KEAP1: variants seen among roughly 807,000 people sequenced by gnomAD.
The protein encoded by KEAP1 is kelch-like ECH-associated protein 1.
KEAP1 carries 26 observed loss-of-function variants against 59.7 expected under a neutral mutation model. The observed-to-expected ratio is 0.44, with a 90% CI of 0.32 to 0.60. The LOEUF is 0.60. Ranked by LOEUF, KEAP1 falls within the 20% of genes least tolerant of loss-of-function variation. KEAP1 has a pLI of 0.06. For missense variants in KEAP1, 539 were observed against 871.4 expected (o/e 0.62, Z 4.80); for synonymous variants, 350 against 358.3 (o/e 0.98, Z 0.26).
At chr19:10,494,657 C>CTTT (rs111799495) in intron 2 of KEAP1, among the ~76,000 whole-genome samples, 1 of 110,976 alleles carries the variant, frequency 9.0e-6, no homozygotes, top group Non-Finnish European at 1.8e-5. Context: ...CTGTTTGTTT[C>CTTT]TTTTTTTTTT....
In KEAP1 at chr19:10,492,273, CG is replaced by C. The variant is rs78238324; in HGVS notation, c.640-12del. 6,448 of 1,600,694 alleles carry C rather than the reference CG, an allele frequency of 4.0e-3. 139 individuals carry two copies. In the East Asian group the frequency reaches 0.056, roughly 14 times the overall value. On this transcript the variant is annotated splice_polypyrimidine_tract_variant and intron_variant, in intron 2 of 5. Coordinates refer to ENST00000171111, the MANE Select transcript of KEAP1 (RefSeq NM_203500.2). The stretch of plus-strand genomic sequence containing the variant: ...CTCTTGCTTGGCCACCTGCAGAGGG[CG>C]ACAGTGGGACGGGCTGACTCTCCAG...
rs1461860755 is a variant in KEAP1 at position 10,486,808 on chromosome 19, A to G, written c.1719T>C (p.Asp573=). ...QGRIYVLGGY[D]GHTFLDSVEC... ...CCACACTGTCCAGGAACGTGTGACCATCATAGCCTCCTGCGGGAAGAACAG... is the reference window on the plus strand; with the variant it reads ...CCACACTGTCCAGGAACGTGTGACCGTCATAGCCTCCTGCGGGAAGAACAG... Residue 573 remains aspartate, a synonymous_variant, in exon 6 of 6, where the codon GAT becomes GAC. Transcript: ENST00000171111. 6.2e-7 allele frequency: 1 copy of G among 1,613,012 alleles called. No individual in the cohort carries two copies. The highest frequency in any genetic ancestry group is 8.5e-7 in the Non-Finnish European group (1 of 1,179,476).
chr19:10,489,256 G>T lies in KEAP1; in HGVS notation c.1644C>A (p.Ala548=), dbSNP rs1422272761. Residue 548 remains alanine, a synonymous_variant, in exon 5 of 6, where the codon GCC becomes GCA. Transcript: ENST00000171111. ...GGGCACTTCGCCGGTGCTTCATGGGGGCTACGAAAGTCCACGTCTCTGTTT... is the reference window on the plus strand; with the variant it reads ...GGGCACTTCGCCGGTGCTTCATGGGTGCTACGAAAGTCCACGTCTCTGTTT... ...DVETETWTFV[A]PMKHRRSALG... 1.9e-6 allele frequency: 3 copies of T among 1,612,940 alleles called. No individual in the cohort carries two copies. The South Asian group carries it at 3.3e-5, about 18-fold the overall frequency.
chr19:10,499,662 G>GGACA lies in KEAP1; in HGVS notation c.368_371dup (p.Ile125ValfsTer3), dbSNP rs1914969539. 1 of 1,613,982 alleles carries GGACA rather than the reference G, an allele frequency of 6.2e-7. No homozygotes were observed. Among genetic ancestry groups the GGACA allele is most frequent in the Non-Finnish European group, 8.5e-7 (1 of 1,180,042 alleles). On this transcript the variant is annotated frameshift_variant, in exon 2 of 6. Coordinates refer to ENST00000171111, the MANE Select transcript of KEAP1 (RefSeq NM_203500.2). LOFTEE classifies it high-confidence loss of function. This position sits in a 1 kb window ranked among gnomAD's most constrained non-coding sequence, Gnocchi z 6.7. ...TGACCTTGGGGTGGATACCCTCAAT[G>GGACA]GACACCACCTCCATGCCCTGCTCCC...
chr19:10,493,613 C>G (rs1341599603), intron 2 of KEAP1, among the ~76,000 whole-genome samples: 10 of 133,212 alleles, frequency 7.5e-5, no homozygotes, highest in African/African-American at 2.9e-4. Context: ...CCAGGCCGGA[C>G]TGCAGTGGCG....
At position 10,502,425 on chromosome 19, in the gene KEAP1, A is replaced by G. The variant is rs1915073558; in HGVS notation, c.-48+816T>C. The G allele has an allele frequency of 6.6e-6, 1 of 152,322 alleles. No homozygotes were observed. The highest frequency in any genetic ancestry group is 2.1e-4 in the South Asian group (1 of 4,836). 9.4% of individuals were successfully genotyped at this position (152,322 alleles called of 1,614,324 possible). ...GCTGCCAACCCCAGAACGCAGATCGAGCCCCTCAACGCCTCGGAGCCCCCG... is the reference window on the plus strand; with the variant it reads ...GCTGCCAACCCCAGAACGCAGATCGGGCCCCTCAACGCCTCGGAGCCCCCG... On this transcript the variant is annotated intron_variant, in intron 1 of 5. Transcript: ENST00000171111. This position sits in a 1 kb window ranked among gnomAD's most constrained non-coding sequence, Gnocchi z 4.0.
Position 10,486,563 on chromosome 19 carries a change from G to A in KEAP1, c.*89C>T. 1 of 1,296,944 alleles carries A rather than the reference G, an allele frequency of 7.7e-7. No homozygotes were observed. The highest frequency in any genetic ancestry group is 1.1e-6 in the Non-Finnish European group (1 of 917,812). The allele number at this position is 1,296,944 out of a possible 1,614,324, so 80.3% of individuals were successfully genotyped here. A position where few individuals can be genotyped will look rare whatever the true frequency, so the allele number is the denominator to read the frequency against. ...CTTCCCGGAAGATGGGTTATTTGCA[G>A]TGCTGTCTTTTCTTTTAGTCCCGGT... On this transcript the variant is annotated 3_prime_UTR_variant, in exon 6 of 6. Coordinates refer to ENST00000171111, the MANE Select transcript of KEAP1 (RefSeq NM_203500.2).
At chr19:10,489,899 C>T (rs2144591825) in intron 3 of KEAP1, 46 bp from the exon 4 acceptor site, 2 of 1,554,286 alleles carry the variant, frequency 1.3e-6, no homozygotes, top group East Asian at 4.6e-5. Flanking sequence ...TTATAGCTGA[C>T]CTTCGTGGAA....
At position 10,502,925 on chromosome 19, in the gene KEAP1, C is replaced by T. The variant is rs1915094788; in HGVS notation, c.-48+316G>A. On this transcript the variant is annotated intron_variant, in intron 1 of 5. Transcript: ENST00000171111. This position sits in a 1 kb window ranked among gnomAD's most constrained non-coding sequence, Gnocchi z 4.0. ...TGCTGTCGCCCAGCTGCGCGGCCAC[C>T]ACGGCGCCCAGCATGGCGGCGGGGC... is the stretch of plus-strand genomic sequence containing the variant. 1 of 152,142 alleles carries T rather than the reference C, an allele frequency of 6.6e-6. No homozygotes were observed. Among genetic ancestry groups the T allele is most frequent in the Admixed American group, 6.5e-5 (1 of 15,278 alleles). The allele number at this position is 152,142 out of a possible 1,614,324, so 9.4% of individuals were successfully genotyped here. A position where few individuals can be genotyped will look rare whatever the true frequency, so the allele number is the denominator to read the frequency against.
intron 5 of KEAP1, among the ~76,000 whole-genome samples, chr19:10,488,832 G>A (rs1319298548): frequency 1.3e-5 from 2 of 151,402 alleles, no homozygotes; most frequent in Non-Finnish European, 2.9e-5. Flanking sequence ...TCAGGAGGCT[G>A]AGACAGGAGA....
intron 2 of KEAP1, 47 bp from the exon 3 acceptor site, chr19:10,492,309 C>T (rs2144605730): frequency 1.4e-6 from 2 of 1,446,580 alleles, no homozygotes; most frequent in Non-Finnish European, 1.9e-6. Context: ...GTCACCCCCA[C>T]ACCTCACCAA....
At chr19:10,493,803 C>T (rs1703586926) in intron 2 of KEAP1, among the ~76,000 whole-genome samples, 3 of 151,662 alleles carry the variant, frequency 2.0e-5, no homozygotes, top group Non-Finnish European at 2.9e-5. Context: ...CCTCGTGATC[C>T]GCCCGCCTCG....
intron 4 of KEAP1, 31 bp from the exon 5 acceptor site, chr19:10,489,399 T>G: frequency 1.3e-6 from 2 of 1,591,446 alleles, no homozygotes; most frequent in Non-Finnish European, 1.7e-6. Flanking sequence ...AAGGTGACTC[T>G]GGGGGTCTGG....
intron 2 of KEAP1, among the ~76,000 whole-genome samples, chr19:10,497,236 T>C (rs1278188598): frequency 6.6e-6 from 1 of 152,144 alleles, no homozygotes; most frequent in Admixed American, 6.6e-5. Flanking sequence ...TCCTACTGTA[T>C]AGACCACTTT....
At position 10,502,273 on chromosome 19, in the gene KEAP1, A is replaced by G. The variant is rs1915068201; in HGVS notation, c.-48+968T>C. The G allele has an allele frequency of 6.6e-6, 1 of 152,320 alleles. No homozygotes were observed. Among genetic ancestry groups the G allele is most frequent in the African/African-American group, 2.4e-5 (1 of 41,462 alleles). The allele number at this position is 152,320 out of a possible 1,614,324, so 9.4% of individuals were successfully genotyped here. A position where few individuals can be genotyped will look rare whatever the true frequency, so the allele number is the denominator to read the frequency against. ...CTCTTGGTCTTTGGCCAATCGGTCAACAATGCCCCTTGGGCACCGGGCACT... is the reference window on the plus strand; with the variant it reads ...CTCTTGGTCTTTGGCCAATCGGTCAGCAATGCCCCTTGGGCACCGGGCACT... On this transcript the variant is annotated intron_variant, in intron 1 of 5. Coordinates refer to ENST00000171111, the MANE Select transcript of KEAP1 (RefSeq NM_203500.2). This position sits in a 1 kb window ranked among gnomAD's most constrained non-coding sequence, Gnocchi z 4.0.
chr19:10,492,547 A>G (rs1013785977), intron 2 of KEAP1: 4 of 369,932 alleles, frequency 1.1e-5, no homozygotes, highest in African/African-American at 8.4e-5. Context: ...GTGAAACCCC[A>G]TCTCTACTAA....
rs568012476 is a variant in KEAP1, at chr19:10,496,559, T to C, written c.639+2836A>G. Among the ~76,000 whole-genome samples, 16 of 150,804 alleles carry C rather than the reference T, an allele frequency of 1.1e-4. 1 individual carries two copies. In the South Asian group the frequency reaches 2.7e-3, roughly 26 times the overall value. ...GCTCAAGCCTGTAATCCCAACACTT[T>C]GGGAGGCTGAGGTGGGCGGATCACG... is the stretch of plus-strand genomic sequence containing the variant. On this transcript the variant is annotated intron_variant, in intron 2 of 5. Coordinates refer to ENST00000171111, the MANE Select transcript of KEAP1 (RefSeq NM_203500.2).
intron 1 of KEAP1, among the ~76,000 whole-genome samples, chr19:10,501,840 C>T (rs762835740): frequency 3.9e-5 from 6 of 152,014 alleles, no homozygotes; most frequent in Non-Finnish European, 5.9e-5. Flanking sequence ...GCTGCTGTGC[C>T]CAGACGTGAG....
Position 10,499,423 on chromosome 19 carries a change from C to T in KEAP1, c.611G>A (p.Arg204Gln), listed in dbSNP as rs370296794. 3.1e-6 allele frequency: 5 copies of T among 1,611,462 alleles called. No homozygotes were observed. The highest frequency in any genetic ancestry group is 1.3e-5 in the African/African-American group (1 of 75,012). Residue 204 changes from arginine (R) to glutamine (Q), a missense_variant, in exon 2 of 6, where the codon CGG becomes CAG. Coordinates refer to ENST00000171111, the MANE Select transcript of KEAP1 (RefSeq NM_203500.2). This position sits in a 1 kb window ranked among gnomAD's most constrained non-coding sequence, Gnocchi z 6.7. ...CCCAAAATGCATGTAGATGTACTCC[C>T]GGGCACGCTGGTGCAACTCCACACA... ...IGCVELHQRA[R>Q]EYIYMHFGEV... is the part of the protein sequence containing the mutation.
Sources: allele counts gnomAD v4.1 joint callset (sites outside exome capture counted in the v4.1 genomes callset), GRCh38; gene constraint gnomAD v4.1.1; non-coding constraint Gnocchi (gnomAD v3.1); transcripts MANE v1.5; gene names NCBI Gene and HGNC (gene_info 2026-07-23, HGNC 2026-07-21).